Variants in BLTP1 observed in about 807,000 individuals in gnomAD.
The protein encoded by BLTP1 is fragile site-associated protein.
chr4:122,318,251 T>G, the BLTP1 span: 3 of 1,610,422 alleles, frequency 1.9e-6, no homozygotes, highest in Non-Finnish European at 2.5e-6. Flanking sequence ...CGTAAAAAAT[T>G]ACGGAGGTCC....
the BLTP1 span, among the ~76,000 whole-genome samples, chr4:122,332,492 A>G: frequency 2.0e-5 from 3 of 152,008 alleles, no homozygotes; most frequent in South Asian, 4.2e-4. Context: ...ACTGCCCTGT[A>G]TAGTTACGGA....
At chr4:122,362,118 T>G in the BLTP1 span, 8 of 1,613,696 alleles carry the variant, frequency 5.0e-6, no homozygotes, top group East Asian at 4.5e-5. Context: ...CTAGGACTAC[T>G]ATTCCTAAAT....
chr4:122,232,463 CT>C, the BLTP1 span, among the ~76,000 whole-genome samples: 1 of 152,084 alleles, frequency 6.6e-6, no homozygotes, highest in Non-Finnish European at 1.5e-5. Context: ...AACTCTGTCC[CT>C]GAGTCCTATA....
At chr4:122,343,990 CTATAATT>C in the BLTP1 span, 3 of 955,008 alleles carry the variant, frequency 3.1e-6, no homozygotes, top group Non-Finnish European at 3.7e-6. Context: ...TAAAAAGAGA[CTATAATT>C]TAAGTCAGCC....
the BLTP1 span, chr4:122,192,130 G>T: frequency 1.5e-6 from 2 of 1,333,034 alleles, no homozygotes; most frequent in Non-Finnish European, 2.0e-6. Context: ...GAGTGTAAAG[G>T]TTTCCTGAGA....
chr4:122,253,130 A>C, the BLTP1 span, among the ~76,000 whole-genome samples: 1 of 152,190 alleles, frequency 6.6e-6, no homozygotes, highest in Non-Finnish European at 1.5e-5. Flanking sequence ...TGCTGACCAG[A>C]AACTTATAAC....
At chr4:122,342,429 C>T in the BLTP1 span, among the ~76,000 whole-genome samples, 1 of 152,022 alleles carries the variant, frequency 6.6e-6, no homozygotes, top group Non-Finnish European at 1.5e-5. Flanking sequence ...CATCTCAGCT[C>T]ACTGCAGCCT....
the BLTP1 span, chr4:122,258,964 A>G: frequency 3.4e-6 from 2 of 589,280 alleles, no homozygotes; most frequent in African/African-American, 3.8e-5. Flanking sequence ...TCGTGTTGAA[A>G]TTAACTTGAT....
chr4:122,235,145 GT>G, the BLTP1 span: 1 of 953,650 alleles, frequency 1.0e-6, no homozygotes, highest in Non-Finnish European at 1.5e-6. Context: ...TATGAGTAGG[GT>G]TTAGTATAAT....
At chr4:122,262,148 TTGTGTGTGTGTGTGTGTGTGTG>T in the BLTP1 span, among the ~76,000 whole-genome samples, 1 of 133,430 alleles carries the variant, frequency 7.5e-6, no homozygotes, top group South Asian at 2.9e-4. Flanking sequence ...TACAGATCCT[TTGTGTGTGTGTGTGTGTGTGTG>T]TGTGTGTGTG....
the BLTP1 span, among the ~76,000 whole-genome samples, chr4:122,253,452 A>G: frequency 5.3e-5 from 8 of 152,100 alleles, no homozygotes; most frequent in Non-Finnish European, 1.0e-4. Flanking sequence ...AAATTTGACA[A>G]ATAATTAAAA....
the BLTP1 span, among the ~76,000 whole-genome samples, chr4:122,322,678 C>T: frequency 1.3e-5 from 2 of 152,160 alleles, no homozygotes; most frequent in East Asian, 1.9e-4. Flanking sequence ...AGCATTTTAT[C>T]GTCTTTTAAT....
the BLTP1 span, chr4:122,263,332 A>G: frequency 1.4e-6 from 2 of 1,423,882 alleles, no homozygotes; most frequent in Admixed American, 3.1e-5. Flanking sequence ...ATTCAAAACC[A>G]TCTGCAAACA....
the BLTP1 span, among the ~76,000 whole-genome samples, chr4:122,355,352 A>G: frequency 2.6e-5 from 4 of 152,042 alleles, no homozygotes; most frequent in African/African-American, 9.7e-5. Flanking sequence ...ATTTAATCTC[A>G]AATTCTTTAA....
the BLTP1 span, chr4:122,298,033 A>G: frequency 1.2e-3 from 428 of 368,660 alleles, 2 homozygotes; most frequent in Non-Finnish European, 1.5e-3. Flanking sequence ...ACAAATGTGC[A>G]TATCCTACAG....
At chr4:122,272,560 T>C in the BLTP1 span, among the ~76,000 whole-genome samples, 1 of 152,024 alleles carries the variant, frequency 6.6e-6, no homozygotes, top group East Asian at 1.9e-4. Flanking sequence ...TACCAAGAAC[T>C]TTGTTGTAAT....
chr4:122,219,609 C>T, the BLTP1 span: 1 of 1,417,466 alleles, frequency 7.1e-7, no homozygotes, highest in Non-Finnish European at 1.0e-6. Context: ...TATATTATAA[C>T]ATCCACCTGT....
At chr4:122,268,479 C>T in the BLTP1 span, among the ~76,000 whole-genome samples, 1 of 152,090 alleles carries the variant, frequency 6.6e-6, no homozygotes, top group Non-Finnish European at 1.5e-5. Flanking sequence ...ATCACTTCCT[C>T]TGGGATATCT....
the BLTP1 span, chr4:122,264,118 T>A: frequency 8.1e-7 from 1 of 1,242,008 alleles, no homozygotes; most frequent in Non-Finnish European, 1.0e-6. Context: ...ATGCATTATT[T>A]TTTTTCTTTT....
Sources: gnomAD v4.1 joint callset for allele counts (sites outside exome capture counted in the v4.1 genomes callset) on GRCh38, gnomAD v4.1.1 for gene constraint, MANE v1.5 for transcripts, NCBI Gene and HGNC (gene_info 2026-07-23, HGNC 2026-07-21) for gene names.